DAPK1: variants seen among roughly 807,000 people sequenced by gnomAD.
The protein encoded by DAPK1 is death-associated protein kinase 1.
DAPK1 carries 56 observed loss-of-function variants against 144.9 expected under a neutral mutation model. The observed-to-expected ratio is 0.39, with a 90% confidence interval of 0.31 to 0.48. The LOEUF (loss-of-function observed/expected upper bound fraction) is 0.48, where lower values mean the gene tolerates loss of function less well. Ranked by LOEUF, DAPK1 falls within the 20% of genes least tolerant of loss-of-function variation. DAPK1 has a pLI of 0.95. For missense variants in DAPK1, 1,454 were observed against 1,875.4 expected (o/e 0.78, Z 4.15); for synonymous variants, 690 against 749.0 (o/e 0.92, Z 1.29).
At chr9:87,637,005 C>T (rs968193952) in intron 3 of DAPK1, among the ~76,000 whole-genome samples, 10 of 152,132 alleles carry the variant, frequency 6.6e-5, no homozygotes, top group Non-Finnish European at 1.5e-5. Context: ...GTTCTGACCA[C>T]TCCCCTCCAC....
Position 87,631,888 on chromosome 9 carries a change from T to A in DAPK1, c.285-6055T>A, listed in dbSNP as rs1166993213. The stretch of plus-strand genomic sequence containing the variant: ...TTTGCTGAAATCATTTAGTTTCAAT[T>A]ATTTTAATTACTGAAGATTTTATAA... On this transcript the variant is annotated intron_variant, in intron 3 of 25. Transcript: ENST00000408954. Among the ~76,000 whole-genome samples the A allele has an allele frequency of 4.6e-5, 7 of 152,308 alleles. No homozygotes were observed. In the East Asian group the frequency reaches 1.2e-3, roughly 25 times the overall value.
At chr9:87,513,219 T>C (rs1824917952) in intron 2 of DAPK1, among the ~76,000 whole-genome samples, 1 of 152,268 alleles carries the variant, frequency 6.6e-6, no homozygotes, top group Admixed American at 6.5e-5. Flanking sequence ...CAAGGGCTAA[T>C]TGAATATCTG....
intron 2 of DAPK1, chr9:87,525,544 A>G (rs7875228): frequency 0.56 from 560,577 of 1,000,042 alleles, 162,968 homozygotes; most frequent in East Asian, 0.87. Context: ...CTTTGTACAT[A>G]AAATAAACAT....
intron 2 of DAPK1, among the ~76,000 whole-genome samples, chr9:87,512,202 C>T (rs4878085): frequency 0.23 from 34,454 of 152,056 alleles, 4,265 homozygotes; most frequent in East Asian, 0.42. Flanking sequence ...GGACTATAGG[C>T]ATGTGCCAAC....
chr9:87,539,275 A>G (rs1189016747), intron 2 of DAPK1, among the ~76,000 whole-genome samples: 1 of 152,002 alleles, frequency 6.6e-6, no homozygotes, highest in Non-Finnish European at 1.5e-5. Flanking sequence ...AGTTTAAGAC[A>G]TGGGTTTTAT....
intron 11 of DAPK1, 73 bp from the exon 12 acceptor site, chr9:87,645,822 G>T (rs1830247352): frequency 1.3e-6 from 2 of 1,572,804 alleles, no homozygotes; most frequent in Middle Eastern, 1.7e-4. Flanking sequence ...GTGAGCACAG[G>T]TTTCTTTTAT....
At chr9:87,705,755 G>A (rs940224159) in intron 25 of DAPK1, among the ~76,000 whole-genome samples, 2 of 152,024 alleles carry the variant, frequency 1.3e-5, no homozygotes, top group African/African-American at 4.8e-5. Context: ...TCATACAAGG[G>A]TTTGCCACTG....
chr9:87,591,309 G>C (rs548351461), intron 2 of DAPK1, among the ~76,000 whole-genome samples: 1 of 152,344 alleles, frequency 6.6e-6, no homozygotes, highest in East Asian at 1.9e-4. Context: ...AAAATAATCA[G>C]AGCCCAGTAA....
chr9:87,549,666 C>T (rs888361289), intron 2 of DAPK1, among the ~76,000 whole-genome samples: 1 of 152,164 alleles, frequency 6.6e-6, no homozygotes, highest in Admixed American at 6.5e-5. Context: ...AATAATGTCC[C>T]CTCGCCCCTC....
intron 9 of DAPK1, among the ~76,000 whole-genome samples, chr9:87,641,544 A>C (rs1471002705): frequency 6.6e-6 from 1 of 152,170 alleles, no homozygotes; most frequent in Non-Finnish European, 1.5e-5. Flanking sequence ...ACAAAAGCTA[A>C]ATACATCTAC....
chr9:87,524,857 AG>A (rs1713416517), intron 2 of DAPK1, among the ~76,000 whole-genome samples: 1 of 152,202 alleles, frequency 6.6e-6, no homozygotes, highest in Non-Finnish European at 1.5e-5. Flanking sequence ...CAAAGGCATA[AG>A]AATGACACAA....
chr9:87,608,617 G>T lies in DAPK1; in HGVS notation c.284+3442G>T, dbSNP rs529757569. Among the ~76,000 whole-genome samples, 19 of 152,318 alleles carry T rather than the reference G, an allele frequency of 1.2e-4. 1 individual carries two copies. Among genetic ancestry groups the T allele is most frequent in the Admixed American group, 9.8e-4 (15 of 15,310 alleles). ...GCAGCAATGGATGAGAATTCCGATT[G>T]CTCCACCAGTGGGGCTCTGTACTGT... On this transcript the variant is annotated intron_variant, in intron 3 of 25. Transcript: ENST00000408954.
intron 17 of DAPK1, 51 bp downstream of exon 17, chr9:87,651,775 C>T (rs763038607): frequency 1.7e-5 from 26 of 1,520,034 alleles, no homozygotes; most frequent in African/African-American, 8.3e-5. Context: ...TCCATCCACC[C>T]GATTCTGGGT....
At position 87,605,064 on chromosome 9, in the gene DAPK1, G is replaced by T. The variant is rs375169492; in HGVS notation, c.173G>T (p.Arg58Leu). The change falls in exon 3 of 26, where the codon CGC becomes CTC. Residue 58 changes from arginine (R) to leucine (L), a missense_variant. By Grantham distance (102) the Arg-to-Leu change is moderately radical. This residue lies in a region of DAPK1 where 429 missense variants were observed against 637.5 expected (regional missense o/e 0.67). Coordinates refer to ENST00000408954, the MANE Select transcript of DAPK1 (RefSeq NM_004938.4). ...AAGTCCAGCCGGCGGGGTGTGAGCCGCGAGGACATCGAGCGGGAGGTCAGC... is the reference window on the plus strand; with the variant it reads ...AAGTCCAGCCGGCGGGGTGTGAGCCTCGAGGACATCGAGCGGGAGGTCAGC... ...RTKSSRRGVS[R>L]EDIEREVSIL... 46 of 1,614,086 alleles carry T rather than the reference G, an allele frequency of 2.8e-5. No individual in the cohort carries two copies. The African/African-American group carries it at 5.7e-4, about 20-fold the overall frequency.
chr9:87,684,116 C>T (rs868451327), intron 20 of DAPK1, among the ~76,000 whole-genome samples: 2 of 152,224 alleles, frequency 1.3e-5, no homozygotes, highest in Non-Finnish European at 2.9e-5. Flanking sequence ...AGACAGCGCC[C>T]GGGAAATGCA....
chr9:87,571,450 CACACACACACACACACACACACACCA>C (rs1564000642), intron 2 of DAPK1, among the ~76,000 whole-genome samples: 37 of 56,642 alleles, frequency 6.5e-4, no homozygotes, highest in East Asian at 2.7e-3. Context: ...CACACACACA[CACACACACACACACACACACACACCA>C]ACACACACAC....
intron 2 of DAPK1, among the ~76,000 whole-genome samples, chr9:87,597,796 G>A (rs532408330): frequency 6.6e-6 from 1 of 152,100 alleles, no homozygotes; most frequent in Non-Finnish European, 1.5e-5. Flanking sequence ...GAAATACGAA[G>A]TAGGCTCTTT....
intron 21 of DAPK1, among the ~76,000 whole-genome samples, chr9:87,695,802 C>G (rs1286635374): frequency 6.6e-6 from 1 of 152,210 alleles, no homozygotes; most frequent in Non-Finnish European, 1.5e-5. Flanking sequence ...GTCACTGTTA[C>G]ATTCAATATC....
At chr9:87,498,380 G>GCTCCCTTCC (rs1824262416) in intron 1 of DAPK1, among the ~76,000 whole-genome samples, 1 of 152,226 alleles carries the variant, frequency 6.6e-6, no homozygotes, top group African/African-American at 2.4e-5. Flanking sequence ...TCGGTGGGCC[G>GCTCCCTTCC]CTCCCTTCCC....
Sources: allele counts gnomAD v4.1 joint callset (sites outside exome capture counted in the v4.1 genomes callset), GRCh38; gene constraint gnomAD v4.1.1; regional missense constraint gnomAD v4.1.1; transcripts MANE v1.5; gene names NCBI Gene and HGNC (gene_info 2026-07-23, HGNC 2026-07-21).